Variants in FAT3 observed in about 807,000 individuals in gnomAD.
FAT3 encodes the protein FAT atypical cadherin 3, also known as protocadherin Fat 3.
Under a neutral mutation model 310.2 loss-of-function variants are expected in FAT3, and 95 were observed. That is an observed-to-expected ratio of 0.31 (90% CI 0.26 to 0.36). The LOEUF is 0.36. FAT3 is among the 10% of genes least tolerant of loss of function. FAT3 has a pLI of 1.00. For missense variants in FAT3, 5,408 were observed against 5,715.6 expected (o/e 0.95, Z 1.74); for synonymous variants, 2,314 against 2,192.9 (o/e 1.06, Z -1.54).
chr11:92,613,821 T>C (rs1297958728), intron 3 of FAT3, among the ~76,000 whole-genome samples: 2 of 152,210 alleles, frequency 1.3e-5, no homozygotes, highest in African/African-American at 2.4e-5. Context: ...ATTCACAGAA[T>C]TGTGCATCTG....
intron 3 of FAT3, among the ~76,000 whole-genome samples, chr11:92,570,903 C>G (rs1386484579): frequency 6.6e-6 from 1 of 152,196 alleles, no homozygotes; most frequent in Non-Finnish European, 1.5e-5. Flanking sequence ...TTCCTTCGTT[C>G]CTTCATTCAG....
At chr11:92,659,773 C>T (rs1942714712) in intron 3 of FAT3, among the ~76,000 whole-genome samples, 1 of 152,180 alleles carries the variant, frequency 6.6e-6, no homozygotes, top group East Asian at 1.9e-4. Flanking sequence ...GTGATGAAGA[C>T]ACATTGCAGG....
chr11:92,442,297 TAG>T (rs1220324147), intron 2 of FAT3, among the ~76,000 whole-genome samples: 4 of 149,102 alleles, frequency 2.7e-5, no homozygotes, highest in African/African-American at 9.8e-5. Flanking sequence ...GTATTTTTAG[TAG>T]AGACGGGGTT....
intron 4 of FAT3, among the ~76,000 whole-genome samples, chr11:92,698,929 A>C (rs1357245595): frequency 6.6e-6 from 1 of 152,214 alleles, no homozygotes; most frequent in Non-Finnish European, 1.5e-5. Flanking sequence ...GGCTGAGATC[A>C]CTTATGGCCC....
intron 3 of FAT3, among the ~76,000 whole-genome samples, chr11:92,651,780 T>C (rs1298285996): frequency 1.3e-5 from 2 of 152,130 alleles, no homozygotes; most frequent in Non-Finnish European, 2.9e-5. Flanking sequence ...ATCCACCAGG[T>C]CACCATTTGT....
intron 2 of FAT3, among the ~76,000 whole-genome samples, chr11:92,401,305 A>G (rs534678063): frequency 6.6e-6 from 1 of 152,122 alleles, no homozygotes; most frequent in African/African-American, 2.4e-5. Flanking sequence ...GCTCAGTAAG[A>G]GGACCCTCAT....
At chr11:92,887,499 G>A (rs938352587) in intron 25 of FAT3, among the ~76,000 whole-genome samples, 2 of 152,128 alleles carry the variant, frequency 1.3e-5, no homozygotes, top group South Asian at 2.1e-4. Flanking sequence ...CAACATCCCC[G>A]TCATTAGAAA....
At position 92,566,102 on chromosome 11, in the gene FAT3, G is replaced by T. The variant is rs193156375; in HGVS notation, c.3607+41154G>T. On this transcript the variant is annotated intron_variant, in intron 3 of 27. Transcript: ENST00000525166. ...GAAAAGAGGAAGTCGAATTGTCCCT[G>T]TTTGCAGATGACATGATTGTGTATC... Among the ~76,000 whole-genome samples the T allele has an allele frequency of 8.3e-4, 127 of 152,256 alleles. No homozygotes were observed. In the East Asian group the frequency reaches 0.021, roughly 25 times the overall value.
intron 3 of FAT3, among the ~76,000 whole-genome samples, chr11:92,616,926 A>G (rs1940840061): frequency 6.6e-6 from 1 of 151,950 alleles, no homozygotes; most frequent in Non-Finnish European, 1.5e-5. Context: ...CCTTCATTTC[A>G]ACTTTGGTGA....
At chr11:92,881,479 A>G (rs1370207735) in intron 23 of FAT3, among the ~76,000 whole-genome samples, 1 of 152,204 alleles carries the variant, frequency 6.6e-6, no homozygotes, top group Non-Finnish European at 1.5e-5. Context: ...TATTCATTAG[A>G]GCAAATCTCC....
intron 9 of FAT3, among the ~76,000 whole-genome samples, chr11:92,796,062 C>G (rs1016464935): frequency 6.6e-6 from 1 of 152,054 alleles, no homozygotes; most frequent in African/African-American, 2.4e-5. Context: ...TCAGTGAACA[C>G]CGAGATCCCT....
intron 13 of FAT3, among the ~76,000 whole-genome samples, chr11:92,827,324 C>G (rs1202832560): frequency 6.6e-6 from 1 of 152,204 alleles, no homozygotes; most frequent in African/African-American, 2.4e-5. Flanking sequence ...GGTCCAGCAA[C>G]TTAATGAGCA....
intron 1 of FAT3, among the ~76,000 whole-genome samples, chr11:92,312,088 T>G (rs982367649): frequency 1.3e-5 from 2 of 152,212 alleles, no homozygotes; most frequent in African/African-American, 4.8e-5. Context: ...ATATATCCCT[T>G]ACATAAAGCA....
At chr11:92,887,272 G>A (rs1949818288) in intron 25 of FAT3, among the ~76,000 whole-genome samples, 159 bp downstream of exon 25, 1 of 152,178 alleles carries the variant, frequency 6.6e-6, no homozygotes, top group African/African-American at 2.4e-5. Context: ...ATTGTTGGGT[G>A]TCATTGCCAA....
chr11:92,364,217 A>G (rs151147705), intron 2 of FAT3, among the ~76,000 whole-genome samples: 1 of 152,318 alleles, frequency 6.6e-6, no homozygotes, highest in African/African-American at 2.4e-5. Context: ...ATTTAATAAT[A>G]GACATTTTCA....
At chr11:92,525,012 A>G (rs1208205253) in intron 3 of FAT3, 64 bp downstream of exon 3, 1 of 1,311,268 alleles carries the variant, frequency 7.6e-7, no homozygotes, top group Non-Finnish European at 1.1e-6. Context: ...CATCAGCCTG[A>G]CACTTTCTGT....
chr11:92,558,317 A>G (rs1412584995), intron 3 of FAT3, among the ~76,000 whole-genome samples: 1 of 152,088 alleles, frequency 6.6e-6, no homozygotes, highest in Non-Finnish European at 1.5e-5. Context: ...TGCTTAAACT[A>G]GCATTCAATT....
chr11:92,281,214 A>G (rs1316325250), intron 1 of FAT3, among the ~76,000 whole-genome samples: 1 of 152,090 alleles, frequency 6.6e-6, no homozygotes, highest in Non-Finnish European at 1.5e-5. Flanking sequence ...TTTGTACATT[A>G]CTCTCTGTAT....
intron 2 of FAT3, among the ~76,000 whole-genome samples, chr11:92,468,036 C>G (rs1321197245): frequency 6.6e-6 from 1 of 152,164 alleles, no homozygotes; most frequent in East Asian, 1.9e-4. Flanking sequence ...GCCTTGTAAT[C>G]AAATACTTTA....
Sources: gnomAD v4.1 joint callset for allele counts (sites outside exome capture counted in the v4.1 genomes callset) on GRCh38, gnomAD v4.1.1 for gene constraint, MANE v1.5 for transcripts, NCBI Gene and HGNC (gene_info 2026-07-23, HGNC 2026-07-21) for gene names.